CCDC88A: variants seen among roughly 807,000 people sequenced by gnomAD.
CCDC88A encodes the protein coiled-coil and HOOK domain protein 88A, also known as girdin.
CCDC88A carries 54 observed loss-of-function variants against 234.3 expected under a neutral mutation model. The ratio of observed to expected loss-of-function variants is 0.23; its 90% CI spans 0.19 to 0.29. CCDC88A has a LOEUF of 0.29. Ranked by LOEUF, CCDC88A falls within the 10% of genes least tolerant of loss-of-function variation. The pLI is 1.00. For synonymous variants in CCDC88A, 753 were observed against 737.8 expected (o/e 1.02, Z -0.33); for missense variants, 1,832 against 2,123.4 (o/e 0.86, Z 2.70).
chr2:55,402,841 C>G (rs889035970), intron 2 of CCDC88A, among the ~76,000 whole-genome samples: 1 of 151,828 alleles, frequency 6.6e-6, no homozygotes, highest in Non-Finnish European at 1.5e-5. Context: ...AACCCCATCT[C>G]TACTAAAAAT....
intron 31 of CCDC88A, chr2:55,294,713 T>C: frequency 1.0e-6 from 1 of 992,066 alleles, no homozygotes; most frequent in Non-Finnish European, 1.2e-6. Flanking sequence ...AAATATGACT[T>C]GGAAATGTCT....
rs1159502404 is a variant in CCDC88A, at chr2:55,289,695, T to C, written c.*1505A>G. ...CAATTTAAACATGCTCTCTTTTTTATTGATGGTCTTTTGGAAATTAGACTG... is the reference window on the plus strand; with the variant it reads ...CAATTTAAACATGCTCTCTTTTTTACTGATGGTCTTTTGGAAATTAGACTG... On this transcript the variant is annotated 3_prime_UTR_variant, in exon 33 of 33. Transcript: ENST00000436346. 1.3e-5 allele frequency: 2 copies of C among 152,102 alleles called. No homozygotes were observed. Among genetic ancestry groups the C allele is most frequent in the Non-Finnish European group, 2.9e-5 (2 of 67,982 alleles). The allele number at this position is 152,102 out of a possible 1,614,324, so 9.4% of individuals were successfully genotyped here. A position where few individuals can be genotyped will look rare whatever the true frequency, so the allele number is the denominator to read the frequency against.
intron 28 of CCDC88A, chr2:55,300,589 C>G (rs1680775983): frequency 6.6e-6 from 1 of 152,546 alleles, no homozygotes; most frequent in East Asian, 1.9e-4. Context: ...TGGCTCACTG[C>G]AACCTCCGCC....
intron 3 of CCDC88A, among the ~76,000 whole-genome samples, chr2:55,379,866 T>C (rs1256292947): frequency 2.6e-5 from 4 of 151,764 alleles, no homozygotes; most frequent in African/African-American, 9.7e-5. Context: ...TGAGCCAAGA[T>C]TGTGCCATCG....
In CCDC88A at chr2:55,334,802, T is replaced by A; in HGVS notation, c.2019A>T (p.Arg673Ser). The change falls in exon 15 of 33, where the codon AGA becomes AGT. Residue 673 changes from arginine (R) to serine (S), a missense_variant. By Grantham distance (110) the Arg-to-Ser change is moderately radical. This residue lies in a region of CCDC88A where 1,282 missense variants were observed against 1,543.6 expected (regional missense o/e 0.83). Transcript: ENST00000436346. This position sits in a 1 kb window ranked among gnomAD's most constrained non-coding sequence, Gnocchi z 6.1. ...QENSELEREN[R>S]KLKKTLDSFK... ...AGCTATCCAATGTTTTTTTTAATTT[T>A]CTATTTTCTCTTTCTAGCTCTGAAT... 1 of 1,579,636 alleles carries A rather than the reference T, an allele frequency of 6.3e-7. No individual in the cohort carries two copies. Among genetic ancestry groups the A allele is most frequent in the South Asian group, 1.2e-5 (1 of 84,878 alleles).
In CCDC88A at chr2:55,289,729, A is replaced by C. The variant is rs924981422; in HGVS notation, c.*1471T>G. Reference sequence around the variant, plus strand: ...TTTTGGAAATTAGACTGTGAACACAACATTGCTACTGGCCTACGAAAGAGA... The same window carrying C: ...TTTTGGAAATTAGACTGTGAACACACCATTGCTACTGGCCTACGAAAGAGA... On this transcript the variant is annotated 3_prime_UTR_variant, in exon 33 of 33. Coordinates refer to ENST00000436346, the MANE Select transcript of CCDC88A (RefSeq NM_001365480.1). 6.6e-6 allele frequency: 1 copy of C among 151,400 alleles called. No individual in the cohort carries two copies. The highest frequency in any genetic ancestry group is 1.9e-4 in the East Asian group (1 of 5,148). 9.4% of individuals were successfully genotyped at this position (151,400 alleles called of 1,614,324 possible).
intron 32 of CCDC88A, chr2:55,291,474 A>G (rs889462462): frequency 1.4e-5 from 5 of 355,010 alleles, no homozygotes; most frequent in African/African-American, 2.1e-5. Context: ...AACTTAAAAA[A>G]AAATACTTGT....
chr2:55,410,093 T>A (rs1214587981), intron 2 of CCDC88A, among the ~76,000 whole-genome samples: 2 of 152,120 alleles, frequency 1.3e-5, no homozygotes, highest in Non-Finnish European at 2.9e-5. Context: ...TGCAATTTCT[T>A]GCCCAAGCAC....
intron 15 of CCDC88A, among the ~76,000 whole-genome samples, chr2:55,333,792 T>C (rs1317051795): frequency 6.6e-6 from 1 of 152,106 alleles, no homozygotes; most frequent in Non-Finnish European, 1.5e-5. Context: ...TTATTATACT[T>C]AGAATTTAGT....
rs950739160 is a variant in CCDC88A, at chr2:55,344,579, T to G, written c.1042-65A>C. The G allele has an allele frequency of 7.4e-6, 7 of 946,006 alleles. No homozygotes were observed. In the African/African-American group the frequency reaches 1.0e-4, roughly 14 times the overall value. The allele number at this position is 946,006 out of a possible 1,614,324, so 58.6% of individuals were successfully genotyped here. A position where few individuals can be genotyped will look rare whatever the true frequency, so the allele number is the denominator to read the frequency against. ...TTTTTAAAGTTATGGAACATACAGA[T>G]TATCATAAAACATTAAGCCATCTTT... On this transcript the variant is annotated intron_variant, in intron 10 of 32. Transcript: ENST00000436346.
At chr2:55,367,128 C>T (rs532580003) in intron 5 of CCDC88A, among the ~76,000 whole-genome samples, 13 of 152,196 alleles carry the variant, frequency 8.5e-5, no homozygotes, top group Non-Finnish European at 1.8e-4. Flanking sequence ...AAAGACATTA[C>T]GCTAAGTGAA....
At chr2:55,415,058 T>C (rs1036804210) in intron 2 of CCDC88A, among the ~76,000 whole-genome samples, 22 of 119,096 alleles carry the variant, frequency 1.8e-4, no homozygotes, top group East Asian at 6.1e-4. Context: ...GGAGCGAGAC[T>C]CTGTTTCAAA....
Position 55,287,978 on chromosome 2 carries a change from T to G in CCDC88A, c.*3222A>C, listed in dbSNP as rs1679189880. The G allele has an allele frequency of 6.6e-6, 1 of 152,662 alleles. No homozygotes were observed. Among genetic ancestry groups the G allele is most frequent in the Admixed American group, 6.5e-5 (1 of 15,280 alleles). 9.5% of individuals were successfully genotyped at this position (152,662 alleles called of 1,614,324 possible). On this transcript the variant is annotated 3_prime_UTR_variant, in exon 33 of 33. Coordinates refer to ENST00000436346, the MANE Select transcript of CCDC88A (RefSeq NM_001365480.1). ...AAACAAACAGTGGTATCTCTTGTCA[T>G]GAGTTGGATGCCTGTGACTGACATC...
At chr2:55,411,792 A>AC (rs201944398) in intron 2 of CCDC88A, among the ~76,000 whole-genome samples, 4,807 of 138,660 alleles carry the variant, frequency 0.035, 329 homozygotes, top group Admixed American at 0.13. Flanking sequence ...AAAAAAAAAA[A>AC]AAAAAAAAAA....
At position 55,366,584 on chromosome 2, in the gene CCDC88A, G is replaced by C. The variant is rs187504723; in HGVS notation, c.403-2551C>G. Among the ~76,000 whole-genome samples the C allele has an allele frequency of 2.0e-5, 3 of 148,594 alleles. No homozygotes were observed. In the East Asian group the frequency reaches 5.9e-4, roughly 29 times the overall value. ...ACACACACACACACACACAAGATATGATGTGGAAACTTGGACATAGGAAAA... is the reference window on the plus strand; with the variant it reads ...ACACACACACACACACACAAGATATCATGTGGAAACTTGGACATAGGAAAA... On this transcript the variant is annotated intron_variant, in intron 5 of 32. Transcript: ENST00000436346.
At chr2:55,294,511 C>T in intron 31 of CCDC88A, 5 of 959,982 alleles carry the variant, frequency 5.2e-6, no homozygotes, top group African/African-American at 1.8e-5. Context: ...TTCTTTAAAA[C>T]AGGACAGATG....
chr2:55,294,933 A>G, intron 31 of CCDC88A: 4 of 1,187,538 alleles, frequency 3.4e-6, no homozygotes, highest in Non-Finnish European at 4.2e-6. Flanking sequence ...ACAGCTGAAC[A>G]CTGTGCAACA....
At chr2:55,364,081 C>T (rs113183599) in intron 5 of CCDC88A, 48 bp from the exon 6 acceptor site, 2 of 894,196 alleles carry the variant, frequency 2.2e-6, no homozygotes, top group Admixed American at 2.4e-5. Flanking sequence ...AGGGTATGGT[C>T]CTTAAAATGT....
At chr2:55,390,463 C>G (rs909735866) in intron 2 of CCDC88A, among the ~76,000 whole-genome samples, 2 of 152,172 alleles carry the variant, frequency 1.3e-5, no homozygotes, top group African/African-American at 4.8e-5. Context: ...AATTCAACCA[C>G]TTACGCTGAG....
Sources: allele counts gnomAD v4.1 joint callset (sites outside exome capture counted in the v4.1 genomes callset), GRCh38; gene constraint gnomAD v4.1.1; regional missense constraint gnomAD v4.1.1; non-coding constraint Gnocchi (gnomAD v3.1); transcripts MANE v1.5; gene names NCBI Gene and HGNC (gene_info 2026-07-23, HGNC 2026-07-21).